The following SPTA1 variants were observed in gnomAD, a reference collection of about 807,000 sequenced individuals.
The protein encoded by SPTA1 is spectrin alpha chain, erythrocytic 1.
In SPTA1, 177 loss-of-function variants were observed where a neutral mutation model predicts 324.7. The observed-to-expected ratio is 0.55, with a 90% CI of 0.48 to 0.62. SPTA1 has a LOEUF of 0.62. Among genes scored for constraint, SPTA1 ranks in the 20% least tolerant of loss-of-function variants. The pLI is 0.00. For synonymous variants in SPTA1, 1,195 were observed against 1,041.3 expected (o/e 1.15, Z -2.84); for missense variants, 3,162 against 2,883.6 (o/e 1.10, Z -2.21).
At chr1:158,611,547 A>C in intron 51 of SPTA1, 158 bp from the exon 52 acceptor site, 1 of 716,780 alleles carries the variant, frequency 1.4e-6, no homozygotes, top group East Asian at 2.9e-5. Flanking sequence ...ATAAATTTAT[A>C]ATTTCTAATG....
intron 14 of SPTA1, among the ~76,000 whole-genome samples, chr1:158,668,447 G>A (rs774101145): frequency 1.4e-4 from 21 of 152,010 alleles, no homozygotes; most frequent in Non-Finnish European, 2.2e-4. Flanking sequence ...ACATATAGTG[G>A]AGCCATAACT....
At chr1:158,675,339 A>C (rs1654320601) in intron 8 of SPTA1, among the ~76,000 whole-genome samples, 1 of 152,126 alleles carries the variant, frequency 6.6e-6, no homozygotes, top group South Asian at 2.1e-4. Context: ...CATGTCTTTC[A>C]GTTCCTTATC....
Position 158,647,737 on chromosome 1 carries a change from G to A in SPTA1, c.3715-17C>T. 6.2e-7 allele frequency: 1 copy of A among 1,613,648 alleles called. No individual in the cohort carries two copies. The highest frequency in any genetic ancestry group is 8.5e-7 in the Non-Finnish European group (1 of 1,179,810). On this transcript the variant is annotated splice_polypyrimidine_tract_variant and intron_variant, in intron 26 of 51. Coordinates refer to ENST00000643759, the MANE Select transcript of SPTA1 (RefSeq NM_003126.4). ...TATGGTCACCTGGGGAGGTACAATA[G>A]CTCTGATAATCAGCCTAGAGACACA...
At chr1:158,663,787 C>A (rs1299956927) in intron 16 of SPTA1, among the ~76,000 whole-genome samples, 1 of 152,068 alleles carries the variant, frequency 6.6e-6, no homozygotes, top group Non-Finnish European at 1.5e-5. Context: ...ATGGGTGCAG[C>A]AAACTACCAT....
chr1:158,614,006 C>A, intron 49 of SPTA1, 139 bp from the exon 50 acceptor site: 1 of 1,000,162 alleles, frequency 1.0e-6, no homozygotes, highest in Admixed American at 2.3e-5. Flanking sequence ...AATACAAAGC[C>A]TGTCTGTGTC....
At position 158,671,451 on chromosome 1, in the gene SPTA1, G is replaced by A. The variant is rs769057938; in HGVS notation, c.1491C>T (p.Ala497=). 11 of 1,612,198 alleles carry A rather than the reference G, an allele frequency of 6.8e-6. No individual in the cohort carries two copies. The highest frequency in any genetic ancestry group is 9.3e-6 in the Non-Finnish European group (11 of 1,179,616). The part of the protein sequence containing the change: ...QVDSWMSRQE[A]FLENEDLGNS... ...TTCCCAGATCCTCGTTTTCCAGGAA[G>A]GCCTGTAGAAGACAGAAAGACACAC... Residue 497 remains alanine (A), a splice_region_variant and synonymous_variant, in exon 12 of 52, where the codon GCC becomes GCT. Transcript: ENST00000643759.
At chr1:158,630,295 A>G (rs1238495797) in intron 39 of SPTA1, among the ~76,000 whole-genome samples, 1 of 152,104 alleles carries the variant, frequency 6.6e-6, no homozygotes, top group East Asian at 1.9e-4. Flanking sequence ...GCATAAAAAC[A>G]GACATAGATG....
chr1:158,639,332 TAAAA>T (rs1471524229), intron 35 of SPTA1: 2 of 530,172 alleles, frequency 3.8e-6, no homozygotes, highest in Admixed American at 6.3e-5. Flanking sequence ...CAGTAAAAGA[TAAAA>T]AAGATAGTTT....
rs1653249056 is a variant in SPTA1, at chr1:158,661,964, A to T, written c.2465-555T>A. ...CTGTGAATTTCCTTCATCTTCTAAG[A>T]TCCCGAAATCCTGCTGTCTGCTTTA... is the stretch of plus-strand genomic sequence containing the variant. On this transcript the variant is annotated intron_variant, in intron 17 of 51. Coordinates refer to ENST00000643759, the MANE Select transcript of SPTA1 (RefSeq NM_003126.4). Among the ~76,000 whole-genome samples the T allele has an allele frequency of 2.0e-5, 3 of 152,214 alleles. No homozygotes were observed. The South Asian group carries it at 6.2e-4, about 31-fold the overall frequency.
rs755153265 is a variant in SPTA1, at chr1:158,669,456, CTT to C, written c.1783_1784del (p.Lys595GlufsTer12). 1 of 1,614,168 alleles carries C rather than the reference CTT, an allele frequency of 6.2e-7. No individual in the cohort carries two copies. The highest frequency in any genetic ancestry group is 1.1e-5 in the South Asian group (1 of 91,082). On this transcript the variant is annotated frameshift_variant, in exon 14 of 52. Transcript: ENST00000643759. LOFTEE classifies it high-confidence loss of function. ...ACTTTTTCTTCTTGTTGATCCAGTTCTTTAGGTCATCTGAGTCCTCATACAGT... is the reference window on the plus strand; with the variant it reads ...ACTTTTTCTTCTTGTTGATCCAGTTCTAGGTCATCTGAGTCCTCATACAGT... ...QKLYEDSDDL[K>X]NWINKKKKLA...
chr1:158,615,481 A>T, intron 47 of SPTA1, 78 bp from the exon 48 acceptor site: 1 of 1,419,214 alleles, frequency 7.0e-7, no homozygotes, highest in Admixed American at 1.7e-5. Flanking sequence ...AGAGGAGATA[A>T]CAGGCTGATT....
chr1:158,634,678 A>G lies in SPTA1; in HGVS notation c.5433-3T>C. On this transcript the variant is annotated splice_polypyrimidine_tract_variant and splice_region_variant and intron_variant, in intron 38 of 51. Transcript: ENST00000643759. Reference sequence around the variant, plus strand: ...GGGATTCTTCCAACTTAAGTCCTCTATAACAAGGTGGCAAGCCCCAGTGAG... The same window carrying G: ...GGGATTCTTCCAACTTAAGTCCTCTGTAACAAGGTGGCAAGCCCCAGTGAG... 1.2e-6 allele frequency: 2 copies of G among 1,614,080 alleles called. No homozygotes were observed. Among genetic ancestry groups the G allele is most frequent in the Admixed American group, 1.7e-5 (1 of 60,000 alleles).
chr1:158,628,137 G>A (rs761519157), intron 39 of SPTA1, among the ~76,000 whole-genome samples: 4 of 152,016 alleles, frequency 2.6e-5, no homozygotes, highest in Non-Finnish European at 5.9e-5. Flanking sequence ...AGAAGTTAAG[G>A]GGAACATGGA....
intron 12 of SPTA1, 131 bp from the exon 13 acceptor site, chr1:158,669,917 AGTCCTTATTCAG>A: frequency 1.2e-6 from 1 of 837,104 alleles, no homozygotes; most frequent in Non-Finnish European, 2.0e-6. Context: ...AGCAGATGTA[AGTCCTTATTCAG>A]GTTTCTGTTA....
chr1:158,671,114 T>C (rs762012533), intron 12 of SPTA1, among the ~76,000 whole-genome samples: 14 of 152,166 alleles, frequency 9.2e-5, no homozygotes, highest in Non-Finnish European at 2.1e-4. Context: ...AGATTAGTAT[T>C]AAGTTTTGGC....
In SPTA1 at chr1:158,615,296, A is replaced by G; in HGVS notation, c.6708T>C (p.Ile2236=). 1 of 1,613,988 alleles carries G rather than the reference A, an allele frequency of 6.2e-7. No individual in the cohort carries two copies. The highest frequency in any genetic ancestry group is 8.5e-7 in the Non-Finnish European group (1 of 1,180,014). ...ALILDIKYST[I]GLAQQWDQLY... ...GCTGGTCCCACTGCTGAGCCAATCC[A>G]ATGGTGCTGTATTTGATATCAAGGA... Residue 2236 remains isoleucine (I), a synonymous_variant, in exon 48 of 52, where the codon ATT becomes ATC. Coordinates refer to ENST00000643759, the MANE Select transcript of SPTA1 (RefSeq NM_003126.4).
chr1:158,634,484 A>C, intron 39 of SPTA1, 59 bp downstream of exon 39: 1 of 1,607,200 alleles, frequency 6.2e-7, no homozygotes, highest in Non-Finnish European at 8.5e-7. Context: ...AACACTGACT[A>C]CCCAAGAAAA....
intron 3 of SPTA1, 142 bp downstream of exon 3, chr1:158,683,229 T>A (rs1400237694): frequency 1.7e-6 from 2 of 1,154,074 alleles, no homozygotes; most frequent in South Asian, 1.3e-5. Flanking sequence ...CATCATTTTT[T>A]ATGCCTCAAC....
intron 39 of SPTA1, among the ~76,000 whole-genome samples, chr1:158,633,412 G>T (rs1650819590): frequency 6.6e-6 from 1 of 152,082 alleles, no homozygotes; most frequent in Non-Finnish European, 1.5e-5. Context: ...TGTAATCCCA[G>T]CACTTTGGGA....
Sources: gnomAD v4.1 joint callset for allele counts (sites outside exome capture counted in the v4.1 genomes callset) on GRCh38, gnomAD v4.1.1 for gene constraint, MANE v1.5 for transcripts, NCBI Gene and HGNC (gene_info 2026-07-23, HGNC 2026-07-21) for gene names.